The following PLCD4 variants were observed in gnomAD, a reference collection of about 807,000 sequenced individuals.
The protein encoded by PLCD4 is phospholipase C delta 4.
Under a neutral mutation model 90.2 loss-of-function variants are expected in PLCD4, and 63 were observed. The ratio of observed to expected loss-of-function variants is 0.70; its 90% CI spans 0.57 to 0.86. PLCD4 has a LOEUF of 0.86. Among genes scored for constraint, PLCD4 ranks in the 40% least tolerant of loss-of-function variants. The probability of loss-of-function intolerance (pLI) is 0.00; values close to 1 mark genes in which losing one functional copy is unlikely to be tolerated. For missense variants in PLCD4, 830 were observed against 956.3 expected (o/e 0.87, Z 1.74); for synonymous variants, 294 against 356.5 (o/e 0.82, Z 1.97).
At chr2:218,613,504 A>C (rs1434202356) in intron 1 of PLCD4, among the ~76,000 whole-genome samples, 4 of 152,056 alleles carry the variant, frequency 2.6e-5, no homozygotes, top group African/African-American at 4.8e-5. Flanking sequence ...GCTTACACAA[A>C]AGCATAGAGC....
intron 9 of PLCD4, 129 bp downstream of exon 9, chr2:218,630,931 T>C (rs1289743255): frequency 8.5e-6 from 8 of 944,584 alleles, no homozygotes; most frequent in Non-Finnish European, 1.2e-5. Context: ...CTCTTTAATG[T>C]CCTTGGATCC....
chr2:218,616,054 A>G lies in PLCD4; in HGVS notation c.173A>G (p.Lys58Arg). 6.2e-7 allele frequency: 1 copy of G among 1,613,416 alleles called. No homozygotes were observed. Among genetic ancestry groups the G allele is most frequent in the Non-Finnish European group, 8.5e-7 (1 of 1,179,666 alleles). ...WHARQARGSA[K>R]PSFSISDVET... ...GCACGGCAGGCCAGGGGCAGTGCCA[A>G]GCCCAGCTGTGAGTGACCTGGATAG... is the stretch of plus-strand genomic sequence containing the variant. The change falls in exon 3 of 16, where the codon AAG (lysine) becomes AGG (arginine). Residue 58 changes from lysine to arginine, a missense_variant. Coordinates refer to ENST00000450993, the MANE Select transcript of PLCD4 (RefSeq NM_032726.4).
At chr2:218,610,533 A>G (rs1695286127) in intron 1 of PLCD4, among the ~76,000 whole-genome samples, 1 of 152,016 alleles carries the variant, frequency 6.6e-6, no homozygotes, top group South Asian at 2.1e-4. Flanking sequence ...AATAGAAATA[A>G]AGAAAATGAG....
At chr2:218,629,720 C>T in intron 8 of PLCD4, 57 bp downstream of exon 8, 7 of 1,577,098 alleles carry the variant, frequency 4.4e-6, no homozygotes, top group Non-Finnish European at 6.1e-6. Context: ...GGAAGAACGA[C>T]TGGCTCTGGG....
At position 218,632,259 on chromosome 2, in the gene PLCD4, G is replaced by C. The variant is rs145392690; in HGVS notation, c.1396G>C (p.Glu466Gln). The C allele has an allele frequency of 1.2e-6, 2 of 1,611,658 alleles. No individual in the cohort carries two copies. The highest frequency in any genetic ancestry group is 1.3e-5 in the African/African-American group (1 of 75,030). Residue 466 changes from glutamate (E) to glutamine (Q), a missense_variant, in exon 10 of 16, where the codon GAG (glutamate) becomes CAG (glutamine). Glu to Gln is a conservative substitution (Grantham distance 29, BLOSUM62 2). Transcript: ENST00000450993. Reference sequence around the variant, plus strand: ...AGAATTGGCGCTGGAGTCCCAGTTTGAGACTGAGCCTGAGCCCCAGGAGCA... The same window carrying C: ...AGAATTGGCGCTGGAGTCCCAGTTTCAGACTGAGCCTGAGCCCCAGGAGCA... ...ESELALESQF[E>Q]TEPEPQEQNL...
At chr2:218,625,141 G>GA (rs1433495390) in intron 6 of PLCD4, among the ~76,000 whole-genome samples, 8 of 107,108 alleles carry the variant, frequency 7.5e-5, no homozygotes, top group South Asian at 3.1e-4. Flanking sequence ...AAGAAAGAAA[G>GA]AAAGAAAAAA....
chr2:218,636,645 C>T lies in PLCD4; in HGVS notation c.*68C>T. The T allele has an allele frequency of 2.7e-6, 4 of 1,482,628 alleles. No homozygotes were observed. Among genetic ancestry groups the T allele is most frequent in the African/African-American group, 2.8e-5 (2 of 72,146 alleles). The allele number at this position is 1,482,628 out of a possible 1,614,324, so 91.8% of individuals were successfully genotyped here. A position where few individuals can be genotyped will look rare whatever the true frequency, so the allele number is the denominator to read the frequency against. ...GGGGAGAAACATCTGGAAGGATGCT[C>T]GAGAGAACAAATGGAGGTGGTGAAA... is the stretch of plus-strand genomic sequence containing the variant. On this transcript the variant is annotated 3_prime_UTR_variant, in exon 16 of 16. Transcript: ENST00000450993.
At chr2:218,608,915 G>C (rs1002300123) in intron 1 of PLCD4, among the ~76,000 whole-genome samples, 4 of 152,058 alleles carry the variant, frequency 2.6e-5, no homozygotes, top group Non-Finnish European at 5.9e-5. Flanking sequence ...GAGGCGGGTG[G>C]ATCACGAGGT....
chr2:218,615,965 G>A lies in PLCD4; in HGVS notation c.84G>A (p.Arg28=), dbSNP rs369550268. 1.9e-6 allele frequency: 3 copies of A among 1,614,034 alleles called. No individual in the cohort carries two copies. Among genetic ancestry groups the A allele is most frequent in the Admixed American group, 3.3e-5 (2 of 60,024 alleles). The change falls in exon 3 of 16, where the codon AGG becomes AGA. Residue 28 remains arginine, a synonymous_variant. Coordinates refer to ENST00000450993, the MANE Select transcript of PLCD4 (RefSeq NM_032726.4). ...AAGGCATGCCGATGCGCAAGGTGAG[G>A]TCCAAAAGCTGGAAGAAGCTAAGAT... ...MQEGMPMRKV[R]SKSWKKLRYF... is the part of the protein sequence containing the mutation.
intron 10 of PLCD4, among the ~76,000 whole-genome samples, chr2:218,632,947 G>A (rs753716633): frequency 2.0e-5 from 3 of 152,102 alleles, no homozygotes; most frequent in African/African-American, 4.8e-5. Context: ...GCCATTGGTG[G>A]GGCCTCCAAG....
intron 1 of PLCD4, among the ~76,000 whole-genome samples, chr2:218,611,801 G>A (rs1695348262): frequency 6.6e-6 from 1 of 152,004 alleles, no homozygotes; most frequent in Non-Finnish European, 1.5e-5. Flanking sequence ...GTTTCACTAT[G>A]TTGGCGAGGC....
chr2:218,611,473 T>C (rs556841019), intron 1 of PLCD4, among the ~76,000 whole-genome samples: 1 of 152,168 alleles, frequency 6.6e-6, no homozygotes, highest in Admixed American at 6.5e-5. Flanking sequence ...GTTCACCACA[T>C]CCTAGAGTCC....
chr2:218,631,717 T>C (rs1243737603), intron 9 of PLCD4, among the ~76,000 whole-genome samples: 2 of 147,380 alleles, frequency 1.4e-5, no homozygotes, highest in East Asian at 2.0e-4. Flanking sequence ...TGCTTGAACC[T>C]GGAAGGTGGT....
intron 1 of PLCD4, among the ~76,000 whole-genome samples, chr2:218,610,409 G>A (rs1695279666): frequency 6.6e-6 from 1 of 152,064 alleles, no homozygotes; most frequent in African/African-American, 2.4e-5. Flanking sequence ...TTGGGAGGCT[G>A]AGGCAGGAGA....
chr2:218,629,759 A>C, intron 8 of PLCD4, 96 bp downstream of exon 8: 1 of 1,353,422 alleles, frequency 7.4e-7, no homozygotes. Flanking sequence ...GTACAGGGGA[A>C]GTTCCATCAA....
intron 1 of PLCD4, among the ~76,000 whole-genome samples, chr2:218,610,193 G>A (rs1695269716): frequency 6.6e-6 from 1 of 151,938 alleles, no homozygotes; most frequent in Admixed American, 6.6e-5. Flanking sequence ...TCAGGCATGG[G>A]ATAGGGAAAG....
At chr2:218,622,285 TTC>T (rs546349277) in intron 5 of PLCD4, 155 of 161,936 alleles carry the variant, frequency 9.6e-4, no homozygotes, top group Admixed American at 2.4e-3. Flanking sequence ...GGAGATTTAA[TTC>T]TTTCTAGTTG....
At chr2:218,619,501 G>A (rs1312551347) in intron 4 of PLCD4, among the ~76,000 whole-genome samples, 1 of 151,942 alleles carries the variant, frequency 6.6e-6, no homozygotes, top group Non-Finnish European at 1.5e-5. Flanking sequence ...CACCATCTTG[G>A]CCAGGCTGGT....
Position 218,609,140 on chromosome 2 carries a change from C to CAA in PLCD4, c.-34+1086_-34+1087dup, listed in dbSNP as rs537369669. ...CCTGGGCGACAGCGAGACTCTGTCTCAAAAAAAAAAAAAAAAAGAACCTTC... is the reference window on the plus strand; with the variant it reads ...CCTGGGCGACAGCGAGACTCTGTCTCAAAAAAAAAAAAAAAAAAAGAACCTTC... On this transcript the variant is annotated intron_variant, in intron 1 of 15. Transcript: ENST00000450993. 157 of 84,154 alleles carry CAA rather than the reference C, an allele frequency of 1.9e-3. 1 individual carries two copies. The highest frequency in any genetic ancestry group is 7.0e-3 in the Middle Eastern group (1 of 142). 5.2% of individuals were successfully genotyped at this position (84,154 alleles called of 1,614,324 possible).
Sources: allele counts gnomAD v4.1 joint callset (sites outside exome capture counted in the v4.1 genomes callset), GRCh38; gene constraint gnomAD v4.1.1; transcripts MANE v1.5; gene names NCBI Gene and HGNC (gene_info 2026-07-23, HGNC 2026-07-21).